The following COPS4 variants were observed in gnomAD, a reference collection of about 807,000 sequenced individuals.
COPS4 encodes the protein COP9 signalosome subunit 4, also known as COP9 signalosome complex subunit 4.
A neutral mutation model predicts 55.1 loss-of-function variants in COPS4; 8 were observed. The observed-to-expected ratio is 0.15, with a 90% CI of 0.09 to 0.26. The LOEUF (loss-of-function observed/expected upper bound fraction) is 0.26. COPS4 is among the 10% of genes least tolerant of loss of function. The pLI is 1.00. For missense variants in COPS4, 248 were observed against 484.0 expected, an observed-to-expected ratio of 0.51 and a Z score of 4.58; for synonymous variants, 185 against 165.7, an observed-to-expected ratio of 1.12 and a Z score of -0.90.
At chr4:83,065,700 G>C (rs1369927491) in intron 7 of COPS4, among the ~76,000 whole-genome samples, 1 of 152,212 alleles carries the variant, frequency 6.6e-6, no homozygotes, top group Admixed American at 6.5e-5. Flanking sequence ...TTTCAGGAGG[G>C]TTAGCCGGAT....
chr4:83,055,160 T>C (rs759046115), intron 4 of COPS4, among the ~76,000 whole-genome samples: 2 of 152,240 alleles, frequency 1.3e-5, no homozygotes, highest in Non-Finnish European at 2.9e-5. Context: ...GGCACCACTT[T>C]TGCAGGTAAA....
At chr4:83,067,329 C>T (rs917522082) in intron 8 of COPS4, among the ~76,000 whole-genome samples, 1 of 151,784 alleles carries the variant, frequency 6.6e-6, no homozygotes, top group African/African-American at 2.4e-5. Flanking sequence ...GCAACCTCTA[C>T]CTCCCAGGTT....
At position 83,075,249 on chromosome 4, in the gene COPS4, T is replaced by C. The variant is rs765836726; in HGVS notation, c.1088-48T>C. On this transcript the variant is annotated intron_variant, in intron 9 of 9. Transcript: ENST00000264389. ...TATATCTTTTAACTCACAGTTGCTG[T>C]GAATACAAAGGAATAATTTTAATTT... The C allele has an allele frequency of 2.5e-6, 4 of 1,588,924 alleles. No homozygotes were observed. The Admixed American group carries it at 6.8e-5, about 27-fold the overall frequency.
At chr4:83,049,008 T>G (rs953393329) in intron 2 of COPS4, among the ~76,000 whole-genome samples, 158 bp from the exon 3 acceptor site, 1 of 152,146 alleles carries the variant, frequency 6.6e-6, no homozygotes, top group Non-Finnish European at 1.5e-5. Context: ...AAACTGATGA[T>G]GTAATATAAA....
Position 83,065,589 on chromosome 4 carries a change from G to C in COPS4, c.887-849G>C, listed in dbSNP as rs1202362723. On this transcript the variant is annotated intron_variant, in intron 7 of 9. Transcript: ENST00000264389. ...TGTTCAGCAGAAATATGTAAGCATT[G>C]GGTGAGCCCAGTGGTCTAATACATT... is the stretch of plus-strand genomic sequence containing the variant. 2.0e-5 allele frequency among the ~76,000 whole-genome samples: 3 copies of C among 152,190 alleles called. No homozygotes were observed. The East Asian group carries it at 5.8e-4, about 29-fold the overall frequency.
chr4:83,065,715 G>A (rs1731277645), intron 7 of COPS4, among the ~76,000 whole-genome samples: 1 of 152,182 alleles, frequency 6.6e-6, no homozygotes, highest in Non-Finnish European at 1.5e-5. Context: ...CCGGATCCTG[G>A]ATCTGGATCT....
chr4:83,073,324 T>C, intron 9 of COPS4: 1 of 690,994 alleles, frequency 1.4e-6, no homozygotes, highest in Non-Finnish European at 2.6e-6. Flanking sequence ...CTCAGCATAG[T>C]ATCTTTAGGG....
intron 4 of COPS4, among the ~76,000 whole-genome samples, chr4:83,055,396 T>C (rs1730988957): frequency 6.6e-6 from 1 of 152,190 alleles, no homozygotes; most frequent in Admixed American, 6.5e-5. Context: ...TCCAGTTTTT[T>C]CATTTAGGAA....
chr4:83,063,319 G>A (rs1731212507), intron 7 of COPS4, 73 bp downstream of exon 7: 6 of 993,136 alleles, frequency 6.0e-6, no homozygotes, highest in Non-Finnish European at 8.7e-6. Flanking sequence ...TGTTAAATTA[G>A]AAGTATCTTT....
At chr4:83,044,867 A>G (rs1730666369) in intron 1 of COPS4, among the ~76,000 whole-genome samples, 1 of 152,242 alleles carries the variant, frequency 6.6e-6, no homozygotes, top group African/African-American at 2.4e-5. Context: ...ATACCGTTGA[A>G]TATTTGAGTG....
chr4:83,039,343 A>G (rs1196873674), intron 1 of COPS4, among the ~76,000 whole-genome samples: 4 of 152,204 alleles, frequency 2.6e-5, no homozygotes, highest in Non-Finnish European at 4.4e-5. Context: ...CAGGGTTCCA[A>G]AAGACAAACA....
At position 83,056,525 on chromosome 4, in the gene COPS4, G is replaced by A. The variant is rs193129615; in HGVS notation, c.411-401G>A. 7.2e-3 allele frequency among the ~76,000 whole-genome samples: 1,096 copies of A among 152,282 alleles called. 9 individuals carry two copies. The highest frequency in any genetic ancestry group is 0.025 in the African/African-American group (1,024 of 41,564). ...TAAAAAGTTTGATTCCCGGCCGGGG[G>A]CAGTGGCTCACGCCTGTAATCCCAG... On this transcript the variant is annotated intron_variant, in intron 4 of 9. Coordinates refer to ENST00000264389, the MANE Select transcript of COPS4 (RefSeq NM_016129.3).
At chr4:83,045,127 T>A (rs1016021047) in intron 1 of COPS4, among the ~76,000 whole-genome samples, 1 of 152,234 alleles carries the variant, frequency 6.6e-6, no homozygotes, top group Non-Finnish European at 1.5e-5. Flanking sequence ...CGTTGCCTGG[T>A]CAACATTATC....
intron 8 of COPS4, among the ~76,000 whole-genome samples, chr4:83,068,120 T>C (rs1240244273): frequency 6.6e-6 from 1 of 152,216 alleles, no homozygotes; most frequent in Non-Finnish European, 1.5e-5. Flanking sequence ...AACTAGTTTG[T>C]TTGGGTTTTT....
intron 1 of COPS4, among the ~76,000 whole-genome samples, chr4:83,036,958 G>C (rs1379444775): frequency 6.6e-6 from 1 of 152,124 alleles, no homozygotes; most frequent in Non-Finnish European, 1.5e-5. Context: ...TACTTAAAGC[G>C]TGCTTCAGTT....
rs759335848 is a variant in COPS4 at position 83,063,283 on chromosome 4, G to A, written c.886+37G>A. On this transcript the variant is annotated intron_variant, in intron 7 of 9. Coordinates refer to ENST00000264389, the MANE Select transcript of COPS4 (RefSeq NM_016129.3). Reference sequence around the variant, plus strand: ...GTCTTATGTGTATATGGTAGTCAATGTTTAGGTACAGACTAGTGAAAATCA... The same window carrying A: ...GTCTTATGTGTATATGGTAGTCAATATTTAGGTACAGACTAGTGAAAATCA... 7 of 1,475,884 alleles carry A rather than the reference G, an allele frequency of 4.7e-6. No homozygotes were observed. The South Asian group carries it at 7.8e-5, about 16-fold the overall frequency. 91.4% of individuals were successfully genotyped at this position (1,475,884 alleles called of 1,614,324 possible). A position where few individuals can be genotyped will look rare whatever the true frequency, so the allele number is the denominator to read the frequency against.
At chr4:83,074,778 T>C (rs1454097939) in intron 9 of COPS4, among the ~76,000 whole-genome samples, 4 of 151,166 alleles carry the variant, frequency 2.6e-5, no homozygotes, top group Non-Finnish European at 5.9e-5. Flanking sequence ...AATGCTGGGG[T>C]TACAGGCGTG....
At chr4:83,054,479 G>T (rs1730967637) in intron 4 of COPS4, among the ~76,000 whole-genome samples, 1 of 152,134 alleles carries the variant, frequency 6.6e-6, no homozygotes, top group Admixed American at 6.6e-5. Context: ...CAGACATCTT[G>T]CCTTTTTTGT....
rs137903901 is a variant in COPS4, at chr4:83,066,448, C to A, written c.897C>A (p.Ile299=). 10 of 1,550,854 alleles carry A rather than the reference C, an allele frequency of 6.4e-6. No individual in the cohort carries two copies. Among genetic ancestry groups the A allele is most frequent in the Non-Finnish European group, 8.8e-6 (10 of 1,138,628 alleles). Residue 299 remains isoleucine, a synonymous_variant, in exon 8 of 10, where the codon ATC becomes ATA. Coordinates refer to ENST00000264389, the MANE Select transcript of COPS4 (RefSeq NM_016129.3). ...QKATTADGSS[I]LDRAVIEHNL... ...TTATTTATGTTTAAGGTTCCAGCAT[C>A]TTGGACAGAGCTGTTATTGAACACA...
Sources: gnomAD v4.1 joint callset for allele counts (sites outside exome capture counted in the v4.1 genomes callset) on GRCh38, gnomAD v4.1.1 for gene constraint, MANE v1.5 for transcripts, NCBI Gene and HGNC (gene_info 2026-07-23, HGNC 2026-07-21) for gene names.